Variants in JAM2 observed in about 807,000 individuals in gnomAD.
JAM2 encodes the protein junctional adhesion molecule 2.
Under a neutral mutation model 42.0 loss-of-function variants are expected in JAM2, and 17 were observed. That is an observed-to-expected ratio of 0.40 (90% confidence interval 0.28 to 0.61). The LOEUF (loss-of-function observed/expected upper bound fraction) is 0.61. JAM2 is among the 20% of genes least tolerant of loss of function. The probability of loss-of-function intolerance (pLI) is 0.37; values close to 1 mark genes in which losing one functional copy is unlikely to be tolerated. For missense variants in JAM2, 319 were observed against 358.3 expected (o/e 0.89, Z 0.89); for synonymous variants, 118 against 128.6 (o/e 0.92, Z 0.56).
chr21:25,663,765 C>T (rs983327375), intron 1 of JAM2, among the ~76,000 whole-genome samples: 1 of 152,138 alleles, frequency 6.6e-6, no homozygotes, highest in Non-Finnish European at 1.5e-5. Flanking sequence ...ACTTCTCAGC[C>T]TTCATAACTG....
chr21:25,649,343 G>C (rs1172217327), intron 1 of JAM2, among the ~76,000 whole-genome samples: 1 of 152,164 alleles, frequency 6.6e-6, no homozygotes, highest in African/African-American at 2.4e-5. Context: ...ATGGCAGAAG[G>C]GGAAGCAAAC....
intron 1 of JAM2, among the ~76,000 whole-genome samples, chr21:25,669,547 A>G (rs917580376): frequency 3.9e-5 from 6 of 152,192 alleles, no homozygotes; most frequent in Admixed American, 6.5e-5. Flanking sequence ...GGGGAGAGGG[A>G]TGAGAAGCAA....
intron 1 of JAM2, among the ~76,000 whole-genome samples, chr21:25,676,789 T>C (rs1240912781): frequency 6.6e-6 from 1 of 152,214 alleles, no homozygotes; most frequent in East Asian, 1.9e-4. Context: ...CAACAGGGGC[T>C]ATACCTAACA....
chr21:25,679,396 A>G (rs1396612497), intron 1 of JAM2, among the ~76,000 whole-genome samples: 1 of 152,208 alleles, frequency 6.6e-6, no homozygotes, highest in Admixed American at 6.5e-5. Flanking sequence ...CTGGTTGTTC[A>G]AACTGGTCTA....
chr21:25,688,243 G>GGT (rs147927864), intron 2 of JAM2, among the ~76,000 whole-genome samples: 39,957 of 149,660 alleles, frequency 0.27, 5,832 homozygotes, highest in African/African-American at 0.41. Flanking sequence ...CACCAGGAGG[G>GGT]GTGTGTGTGT....
intron 4 of JAM2, among the ~76,000 whole-genome samples, chr21:25,695,949 G>A (rs2034012179): frequency 6.6e-6 from 1 of 152,130 alleles, no homozygotes; most frequent in Non-Finnish European, 1.5e-5. Context: ...GACGATGGGT[G>A]GCCAGGCAGA....
At chr21:25,643,158 A>G (rs1004627245) in intron 1 of JAM2, among the ~76,000 whole-genome samples, 3 of 152,256 alleles carry the variant, frequency 2.0e-5, no homozygotes, top group African/African-American at 7.2e-5. Flanking sequence ...TAGGGTAGGT[A>G]AAAGAAGTGT....
chr21:25,674,077 A>C (rs558444044), intron 1 of JAM2, among the ~76,000 whole-genome samples: 13 of 152,332 alleles, frequency 8.5e-5, no homozygotes, highest in Middle Eastern at 3.4e-3. Context: ...CTGTGAGTCC[A>C]TTAAACCTCT....
chr21:25,714,520 A>G (rs1601074320), intron 9 of JAM2, 120 bp from the exon 10 acceptor site: 3 of 739,762 alleles, frequency 4.1e-6, no homozygotes, highest in Middle Eastern at 8.1e-4. Flanking sequence ...AAATAAATAA[A>G]TAAATACTGG....
At chr21:25,694,328 A>G (rs2033949707) in intron 4 of JAM2, among the ~76,000 whole-genome samples, 1 of 152,236 alleles carries the variant, frequency 6.6e-6, no homozygotes, top group South Asian at 2.1e-4. Flanking sequence ...GTCATTTGGT[A>G]AATAAAGGAA....
intron 5 of JAM2, among the ~76,000 whole-genome samples, chr21:25,699,298 G>A (rs891484196): frequency 1.3e-5 from 2 of 152,200 alleles, no homozygotes; most frequent in African/African-American, 4.8e-5. Flanking sequence ...ATTTGCTGCT[G>A]CAGTGAACTC....
intron 2 of JAM2, among the ~76,000 whole-genome samples, chr21:25,687,562 G>A (rs1009882870): frequency 1.9e-4 from 29 of 152,256 alleles, no homozygotes; most frequent in African/African-American, 6.7e-4. Flanking sequence ...TTGACCCCAT[G>A]ATTCCAGTAT....
chr21:25,689,894 G>T lies in JAM2; in HGVS notation c.162G>T (p.Lys54Asn). 1 of 1,613,626 alleles carries T rather than the reference G, an allele frequency of 6.2e-7. No individual in the cohort carries two copies. Among genetic ancestry groups the T allele is most frequent in the Non-Finnish European group, 8.5e-7 (1 of 1,179,632 alleles). ...CTATTTTAGCCTGCAAAACCCCAAA[G>T]AAGACTGTTTCCTCCAGATTAGAGT... ...QEAILACKTP[K>N]KTVSSRLEWK... The change falls in exon 3 of 10, where the codon AAG becomes AAT. Residue 54 changes from lysine (K) to asparagine (N), a missense_variant. Physicochemically the swap from Lys to Asn is moderately conservative, Grantham distance 94 (BLOSUM62 0). Transcript: ENST00000480456.
chr21:25,678,298 ACT>A (rs1016802126), intron 1 of JAM2, among the ~76,000 whole-genome samples: 6 of 152,146 alleles, frequency 3.9e-5, no homozygotes, highest in African/African-American at 1.4e-4. Flanking sequence ...TCCCTACCTC[ACT>A]GAAGAGGATT....
intron 2 of JAM2, among the ~76,000 whole-genome samples, chr21:25,688,061 C>T (rs1338508195): frequency 6.6e-6 from 1 of 152,218 alleles, no homozygotes; most frequent in Non-Finnish European, 1.5e-5. Context: ...ACAGTAAGTA[C>T]TCAACCTATT....
At chr21:25,685,524 C>CAAAAAA (rs776114627) in intron 2 of JAM2, among the ~76,000 whole-genome samples, 4 of 50,412 alleles carry the variant, frequency 7.9e-5, no homozygotes, top group African/African-American at 2.7e-4. Flanking sequence ...GAGAATGTCT[C>CAAAAAA]AAAAAAAAAA....
At chr21:25,672,025 A>G (rs1186173984) in intron 1 of JAM2, among the ~76,000 whole-genome samples, 1 of 152,246 alleles carries the variant, frequency 6.6e-6, no homozygotes, top group African/African-American at 2.4e-5. Flanking sequence ...CCAAACATCT[A>G]CGTAGCGTGG....
intron 4 of JAM2, among the ~76,000 whole-genome samples, chr21:25,697,263 G>A (rs2034059248): frequency 2.0e-5 from 3 of 152,184 alleles, no homozygotes; most frequent in South Asian, 4.1e-4. Flanking sequence ...CTATCTTAGA[G>A]ACAATGGTTT....
intron 1 of JAM2, among the ~76,000 whole-genome samples, chr21:25,641,433 G>T (rs66733150): frequency 0.1 from 15,783 of 152,120 alleles, 993 homozygotes; most frequent in South Asian, 0.26. Context: ...AATGAATGGG[G>T]CTGAGTGACC....
Sources: allele counts gnomAD v4.1 joint callset (sites outside exome capture counted in the v4.1 genomes callset), GRCh38; gene constraint gnomAD v4.1.1; transcripts MANE v1.5; gene names NCBI Gene and HGNC (gene_info 2026-07-23, HGNC 2026-07-21).